Variants in PLD5 observed in about 807,000 individuals in gnomAD.
PLD5 encodes inactive phospholipase D5.
Under a neutral mutation model 61.1 loss-of-function variants are expected in PLD5, and 36 were observed. That is an observed-to-expected ratio of 0.59 (90% CI 0.45 to 0.78). The LOEUF (loss-of-function observed/expected upper bound fraction) is 0.78. PLD5 is among the 30% of genes least tolerant of loss of function. The pLI is 0.00. For synonymous variants in PLD5, 243 were observed against 242.8 expected, an observed-to-expected ratio of 1.00 and a Z score of -0.01; for missense variants, 515 against 644.4, an observed-to-expected ratio of 0.80 and a Z score of 2.17.
At position 242,113,948 on chromosome 1, in the gene PLD5, G is replaced by T; in HGVS notation, c.1012C>A (p.Gln338Lys). Residue 338 changes from glutamine (Q) to lysine (K), a missense_variant, in exon 7 of 10, where the codon CAG (glutamine) becomes AAG (lysine). By Grantham distance (53) the Gln-to-Lys change is moderately conservative (BLOSUM62 1). Coordinates refer to ENST00000536534, the MANE Select transcript of PLD5 (RefSeq NM_001372062.1). Reference protein sequence around the residue: ...AIYSVIDDAKQYVYIAVMDYL... With the variant: ...AIYSVIDDAKKYVYIAVMDYL... ...TCCATGACAGCGATGTACACATACT[G>T]CTTGGCATCATCTATCACACTGTAG... 6.2e-7 allele frequency: 1 copy of T among 1,614,116 alleles called. No individual in the cohort carries two copies. The highest frequency in any genetic ancestry group is 2.2e-5 in the East Asian group (1 of 44,878).
chr1:242,412,750 T>C (rs1413295835), intron 1 of PLD5, among the ~76,000 whole-genome samples: 2 of 152,250 alleles, frequency 1.3e-5, no homozygotes, highest in Non-Finnish European at 2.9e-5. Flanking sequence ...TTTTTGGCTA[T>C]TGTAAATGTA....
chr1:242,134,378 G>A (rs905796478), intron 5 of PLD5, among the ~76,000 whole-genome samples: 1 of 131,250 alleles, frequency 7.6e-6, no homozygotes, highest in African/African-American at 3.0e-5. Context: ...GGGTGATGTA[G>A]CCTTCAGTTT....
rs139126034 is a variant in PLD5 at position 242,168,501 on chromosome 1, T to G, written c.736-43836A>C. ...TAATTCCTTATTAAACAGCACAAAT[T>G]TAAGATTACAGTAATTTGGGGTTAC... On this transcript the variant is annotated intron_variant, in intron 5 of 9. Transcript: ENST00000536534. 3.0e-4 allele frequency among the ~76,000 whole-genome samples: 45 copies of G among 152,262 alleles called. 1 individual carries two copies. The highest frequency in any genetic ancestry group is 1.1e-3 in the African/African-American group (45 of 41,552).
chr1:242,449,035 A>T lies in PLD5; in HGVS notation c.189+75053T>A, dbSNP rs537302908. On this transcript the variant is annotated intron_variant, in intron 1 of 9. Coordinates refer to ENST00000536534, the MANE Select transcript of PLD5 (RefSeq NM_001372062.1). Reference sequence around the variant, plus strand: ...TGGAAATTACAGTTACTTTCAGAGGAAAGAGCACACTTCAGAGAATGCATT... The same window carrying T: ...TGGAAATTACAGTTACTTTCAGAGGTAAGAGCACACTTCAGAGAATGCATT... Among the ~76,000 whole-genome samples, 248 of 152,334 alleles carry T rather than the reference A, an allele frequency of 1.6e-3. 1 individual carries two copies. Among genetic ancestry groups the T allele is most frequent in the Non-Finnish European group, 2.4e-3 (166 of 68,020 alleles).
chr1:242,455,527 A>G (rs901215347), intron 1 of PLD5, among the ~76,000 whole-genome samples: 5 of 152,326 alleles, frequency 3.3e-5, no homozygotes, highest in Middle Eastern at 6.8e-3. Flanking sequence ...TCCTTGTTTC[A>G]GGTCTTACAC....
At chr1:242,349,560 G>C (rs1660356535) in intron 1 of PLD5, among the ~76,000 whole-genome samples, 1 of 152,154 alleles carries the variant, frequency 6.6e-6, no homozygotes, top group Non-Finnish European at 1.5e-5. Flanking sequence ...CATAACTCTT[G>C]ATATGATTTT....
chr1:242,299,740 G>GT (rs1332673783), intron 2 of PLD5, among the ~76,000 whole-genome samples: 2 of 152,236 alleles, frequency 1.3e-5, no homozygotes, highest in South Asian at 2.1e-4. Context: ...GATTGTTTTT[G>GT]TTTTTTACAA....
intron 1 of PLD5, among the ~76,000 whole-genome samples, chr1:242,462,721 G>A (rs1667157868): frequency 6.6e-6 from 1 of 152,026 alleles, no homozygotes; most frequent in Non-Finnish European, 1.5e-5. Context: ...TGTGCCACCA[G>A]ATGAGGAGGT....
rs568885137 is a variant in PLD5 at position 242,163,415 on chromosome 1, T to G, written c.736-38750A>C. Among the ~76,000 whole-genome samples, 3 of 152,088 alleles carry G rather than the reference T, an allele frequency of 2.0e-5. No homozygotes were observed. The South Asian group carries it at 6.2e-4, about 32-fold the overall frequency. ...GCCTCGGCCTCCCAAAGTGCTGGGA[T>G]TACAGGCGTGAGCCACTGCACCCAG... On this transcript the variant is annotated intron_variant, in intron 5 of 9. Transcript: ENST00000536534.
intron 2 of PLD5, among the ~76,000 whole-genome samples, chr1:242,314,339 A>G (rs1676880941): frequency 6.6e-6 from 1 of 152,214 alleles, no homozygotes. Flanking sequence ...GCCAGCATCT[A>G]TCCTCACTGT....
chr1:242,284,502 A>C (rs1473094051), intron 3 of PLD5, among the ~76,000 whole-genome samples: 1 of 152,130 alleles, frequency 6.6e-6, no homozygotes, highest in Non-Finnish European at 1.5e-5. Flanking sequence ...TTTAATGCTA[A>C]CCTGTTGTGC....
intron 1 of PLD5, among the ~76,000 whole-genome samples, chr1:242,516,862 A>G (rs2103007939): frequency 6.6e-6 from 1 of 152,366 alleles, no homozygotes; most frequent in East Asian, 1.9e-4. Context: ...AAACTTGTTG[A>G]CATTTTAATT....
At chr1:242,336,682 C>T (rs1659530993) in intron 2 of PLD5, among the ~76,000 whole-genome samples, 2 of 152,026 alleles carry the variant, frequency 1.3e-5, no homozygotes, top group Admixed American at 6.6e-5. Context: ...GACACAGGGC[C>T]TGCATTTCAT....
At chr1:242,451,437 C>T (rs188019409) in intron 1 of PLD5, among the ~76,000 whole-genome samples, 2 of 147,446 alleles carry the variant, frequency 1.4e-5, no homozygotes, top group East Asian at 4.0e-4. Flanking sequence ...AGATTGTAAA[C>T]ATGTTATTCC....
chr1:242,383,168 A>G (rs1662397198), intron 1 of PLD5, among the ~76,000 whole-genome samples: 1 of 151,966 alleles, frequency 6.6e-6, no homozygotes, highest in Non-Finnish European at 1.5e-5. Flanking sequence ...AATTTTTTTC[A>G]TCTCTCATTA....
intron 1 of PLD5, among the ~76,000 whole-genome samples, chr1:242,445,354 C>T (rs1265194760): frequency 6.6e-6 from 1 of 152,028 alleles, no homozygotes; most frequent in Non-Finnish European, 1.5e-5. Context: ...TGTTTGTTTG[C>T]TTTTTGAGAC....
intron 5 of PLD5, among the ~76,000 whole-genome samples, chr1:242,138,887 T>A (rs1474652924): frequency 6.6e-6 from 1 of 152,226 alleles, no homozygotes; most frequent in Non-Finnish European, 1.5e-5. Flanking sequence ...GGGCCACAAC[T>A]GTGTAAGAAC....
At chr1:242,488,168 T>C (rs1468844376) in intron 1 of PLD5, among the ~76,000 whole-genome samples, 1 of 152,190 alleles carries the variant, frequency 6.6e-6, no homozygotes, top group Non-Finnish European at 1.5e-5. Context: ...GGCAGTTTCT[T>C]ATGAAACTGA....
At chr1:242,348,554 T>C (rs1660271982) in intron 1 of PLD5, among the ~76,000 whole-genome samples, 1 of 152,156 alleles carries the variant, frequency 6.6e-6, no homozygotes, top group Non-Finnish European at 1.5e-5. Context: ...TAGATATCTA[T>C]TGTTTCAAAT....
Sources: allele counts gnomAD v4.1 joint callset (sites outside exome capture counted in the v4.1 genomes callset), GRCh38; gene constraint gnomAD v4.1.1; transcripts MANE v1.5; gene names NCBI Gene and HGNC (gene_info 2026-07-23, HGNC 2026-07-21).